The following UBR1 variants were observed in gnomAD, a reference collection of about 807,000 sequenced individuals.
UBR1 encodes the protein E3 ubiquitin-protein ligase UBR1.
A neutral mutation model predicts 242.1 loss-of-function variants in UBR1; 102 were observed. The observed-to-expected ratio is 0.42, with a 90% CI of 0.36 to 0.50. UBR1 has a LOEUF of 0.50. Ranked by LOEUF, UBR1 falls within the 20% of genes least tolerant of loss-of-function variation. The pLI is 0.01. For missense variants in UBR1, 1,772 were observed against 2,101.8 expected (o/e 0.84, Z 3.07); for synonymous variants, 675 against 684.8 (o/e 0.99, Z 0.22).
intron 1 of UBR1, among the ~76,000 whole-genome samples, chr15:43,087,383 C>T (rs1017966291): frequency 3.3e-5 from 5 of 151,224 alleles, no homozygotes; most frequent in East Asian, 1.9e-4. Context: ...CCAGCCTGGG[C>T]GACAGAGTGA....
chr15:43,003,959 A>G, intron 30 of UBR1, 29 bp from the exon 31 acceptor site: 1 of 1,600,778 alleles, frequency 6.2e-7, no homozygotes, highest in South Asian at 1.1e-5. Context: ...AGGAGGGAAA[A>G]AGAGAGACAG....
intron 40 of UBR1, among the ~76,000 whole-genome samples, chr15:42,967,230 T>TG (rs1555442421): frequency 1.3e-5 from 2 of 149,206 alleles, no homozygotes; most frequent in Non-Finnish European, 3.0e-5. Flanking sequence ...TTTTTTTTTT[T>TG]TTTTTTTTTT....
chr15:42,984,029 G>A, intron 36 of UBR1, 36 bp from the exon 37 acceptor site: 3 of 1,557,490 alleles, frequency 1.9e-6, no homozygotes, highest in Non-Finnish European at 2.6e-6. Context: ...AAAAAGATGA[G>A]GGAAGATGAG....
chr15:42,980,342 C>T (rs750134763), intron 37 of UBR1, among the ~76,000 whole-genome samples: 3 of 152,152 alleles, frequency 2.0e-5, no homozygotes, highest in African/African-American at 7.2e-5. Flanking sequence ...TTAAACACCT[C>T]GGCAAAGTTT....
intron 32 of UBR1, among the ~76,000 whole-genome samples, chr15:42,998,974 G>T (rs1380291003): frequency 7.9e-6 from 1 of 126,160 alleles, no homozygotes; most frequent in Admixed American, 1.1e-4. Context: ...GTCTCACTCT[G>T]TCGCCAGGCT....
intron 39 of UBR1, among the ~76,000 whole-genome samples, chr15:42,972,144 C>T (rs1596080576): frequency 1.3e-5 from 2 of 152,302 alleles, no homozygotes; most frequent in Admixed American, 1.3e-4. Flanking sequence ...AACAGTTTCA[C>T]TGCCTTAAAA....
intron 12 of UBR1, among the ~76,000 whole-genome samples, chr15:43,048,725 T>G (rs1223140581): frequency 2.0e-5 from 3 of 152,196 alleles, no homozygotes; most frequent in Non-Finnish European, 4.4e-5. Flanking sequence ...CTTCACACAC[T>G]ACATTCTCAG....
At position 43,036,544 on chromosome 15, in the gene UBR1, T is replaced by A; in HGVS notation, c.2072A>T (p.Asp691Val). Residue 691 changes from aspartate (D) to valine (V), a missense_variant, in exon 18 of 47, where the codon GAT (aspartate) becomes GTT (valine). Transcript: ENST00000290650. The part of the protein sequence containing the change: ...VKCREEMYDK[D>V]IIMLQIGASL... Reference sequence around the variant, plus strand: ...AATAGGTACCTGAAGCATGATGATATCTTTATCATACATTTCTTCTCTGCA... The same window carrying A: ...AATAGGTACCTGAAGCATGATGATAACTTTATCATACATTTCTTCTCTGCA... 6.3e-7 allele frequency: 1 copy of A among 1,597,030 alleles called. No individual in the cohort carries two copies. The highest frequency in any genetic ancestry group is 8.6e-7 in the Non-Finnish European group (1 of 1,164,712).
intron 28 of UBR1, among the ~76,000 whole-genome samples, chr15:43,016,748 T>G (rs990544062): frequency 1.3e-5 from 2 of 152,186 alleles, no homozygotes; most frequent in African/African-American, 4.8e-5. Context: ...GGCTAATTTT[T>G]GTATTTTTAC....
chr15:43,057,861 T>C (rs1039241214), intron 10 of UBR1, among the ~76,000 whole-genome samples: 2 of 152,140 alleles, frequency 1.3e-5, no homozygotes, highest in African/African-American at 2.4e-5. Context: ...GCTGTTTCTA[T>C]ACTAGCAAAT....
intron 21 of UBR1, among the ~76,000 whole-genome samples, chr15:43,028,660 A>T (rs1254585559): frequency 6.7e-6 from 1 of 149,900 alleles, no homozygotes; most frequent in Non-Finnish European, 1.5e-5. Flanking sequence ...CAGGAGAATC[A>T]CTTGAACACA....
intron 3 of UBR1, among the ~76,000 whole-genome samples, chr15:43,078,492 C>G: frequency 6.6e-6 from 1 of 152,124 alleles, no homozygotes; most frequent in East Asian, 1.9e-4. Flanking sequence ...ACAGAAAAAG[C>G]AGCCCATATT....
chr15:42,958,154 A>C (rs2031953978), intron 43 of UBR1, 64 bp from the exon 44 acceptor site: 3 of 1,105,506 alleles, frequency 2.7e-6, no homozygotes, highest in African/African-American at 1.5e-5. Flanking sequence ...AAAACTGCCC[A>C]AAGTGATAGA....
At chr15:43,078,731 GT>G (rs1380165848) in intron 3 of UBR1, among the ~76,000 whole-genome samples, 96 of 151,728 alleles carry the variant, frequency 6.3e-4, no homozygotes, top group African/African-American at 2.2e-3. Flanking sequence ...GCTTTGGGAG[GT>G]TTGAAGTGGG....
At chr15:42,975,584 A>G (rs1291229166) in intron 39 of UBR1, among the ~76,000 whole-genome samples, 1 of 152,140 alleles carries the variant, frequency 6.6e-6, no homozygotes, top group Non-Finnish European at 1.5e-5. Flanking sequence ...TAATTTTGCC[A>G]TATTTTATTC....
intron 40 of UBR1, 57 bp downstream of exon 40, chr15:42,970,463 C>G: frequency 6.5e-7 from 1 of 1,542,998 alleles, no homozygotes; most frequent in Non-Finnish European, 8.9e-7. Context: ...CGTTGCCAAA[C>G]AACTGAACAA....
In UBR1 at chr15:43,029,314, G is replaced by C. The variant is rs562843570; in HGVS notation, c.2379+630C>G. 9.9e-5 allele frequency among the ~76,000 whole-genome samples: 15 copies of C among 152,246 alleles called. No individual in the cohort carries two copies. The South Asian group carries it at 3.1e-3, about 32-fold the overall frequency. On this transcript the variant is annotated intron_variant, in intron 21 of 46. Transcript: ENST00000290650. ...CAAAAATACAAATGCCACCTGTGGT[G>C]GTCATGAGAATGTACCTTGCAGACA...
Position 43,082,677 on chromosome 15 carries a change from G to A in UBR1, c.378C>T (p.Asp126=). ...AIDPTCVLCM[D]CFQDSVHKNH... ...TTTTATGAACACTGTCCTGGAAGCA[G>A]TCCATACAGAGTACACATGTTGGAT... The change falls in exon 3 of 47, where the codon GAC becomes GAT. Residue 126 remains aspartate (D), a synonymous_variant. Transcript: ENST00000290650. 6.2e-7 allele frequency: 1 copy of A among 1,613,830 alleles called. No individual in the cohort carries two copies. The highest frequency in any genetic ancestry group is 8.5e-7 in the Non-Finnish European group (1 of 1,179,856).
intron 12 of UBR1, among the ~76,000 whole-genome samples, chr15:43,054,221 C>T (rs945349314): frequency 1.3e-4 from 19 of 151,932 alleles, no homozygotes; most frequent in South Asian, 2.1e-4. Context: ...CATGGTGGCA[C>T]GTGCCTGTGG....
Sources: allele counts gnomAD v4.1 joint callset (sites outside exome capture counted in the v4.1 genomes callset), GRCh38; gene constraint gnomAD v4.1.1; transcripts MANE v1.5; gene names NCBI Gene and HGNC (gene_info 2026-07-23, HGNC 2026-07-21).